The following MAGEC3 variants were observed in gnomAD, a reference collection of about 807,000 sequenced individuals.
MAGEC3 encodes the protein MAGE family member C3, also known as melanoma-associated antigen C3.
In MAGEC3, 34 loss-of-function variants were observed where a neutral mutation model predicts 35.3. The observed-to-expected ratio is 0.96, with a 90% CI of 0.73 to 1.28. The LOEUF (loss-of-function observed/expected upper bound fraction) is 1.28, where lower values mean the gene tolerates loss of function less well. MAGEC3 is among the 50% of genes most tolerant of loss of function. The probability of loss-of-function intolerance (pLI) is 0.00; values close to 1 mark genes in which losing one functional copy is unlikely to be tolerated. For missense variants in MAGEC3, 561 were observed against 483.6 expected (o/e 1.16, Z -1.50); for synonymous variants, 202 against 185.6 (o/e 1.09, Z -0.72).
Position 141,897,481 on chromosome X carries a change from A to C in MAGEC3, c.1723A>C (p.Ile575Leu). The C allele has an allele frequency of 8.3e-7, 1 of 1,205,917 alleles. No individual in the cohort carries two copies. The highest frequency in any genetic ancestry group is 1.7e-5 in the African/African-American group (1 of 57,618). The change falls in exon 7 of 8, where the codon ATA (isoleucine) becomes CTA (leucine). Residue 575 changes from isoleucine to leucine, a missense_variant. Transcript: ENST00000298296. ...EEVIWEVLSA[I>L]GPIQRPAREV... Reference sequence around the variant, plus strand: ...GGTCATCTGGGAAGTGTTGAGTGCAATAGGGGTGTGTGCTGGGAGGGAGCA... The same window carrying C: ...GGTCATCTGGGAAGTGTTGAGTGCACTAGGGGTGTGTGCTGGGAGGGAGCA...
intron 1 of MAGEC3, among the ~76,000 whole-genome samples, chrX:141,862,557 A>T (rs1440216434): frequency 2.7e-5 from 3 of 112,491 alleles, no homozygotes; most frequent in Non-Finnish European, 3.8e-5. Context: ...GGGAGAATGG[A>T]TAAGGAAAAT....
intron 2 of MAGEC3, among the ~76,000 whole-genome samples, chrX:141,877,148 T>C (rs73238537): frequency 0.11 from 12,540 of 111,878 alleles, 851 homozygotes; most frequent in African/African-American, 0.25. Flanking sequence ...ATTTAAAATA[T>C]TGAATCTTCA....
intron 2 of MAGEC3, among the ~76,000 whole-genome samples, chrX:141,868,318 T>C (rs2017864187): frequency 9.0e-6 from 1 of 111,609 alleles, no homozygotes; most frequent in Non-Finnish European, 1.9e-5. Flanking sequence ...AGGCTTTGAT[T>C]TGAGTGTGAT....
At chrX:141,891,339 T>A (rs746931192) in intron 4 of MAGEC3, among the ~76,000 whole-genome samples, 9 of 111,678 alleles carry the variant, frequency 8.1e-5, no homozygotes, top group African/African-American at 2.9e-4. Context: ...AAAATCAGAA[T>A]TTCTATGCAC....
intron 1 of MAGEC3, among the ~76,000 whole-genome samples, chrX:141,844,293 A>G (rs1265015845): frequency 9.9e-5 from 11 of 111,085 alleles, no homozygotes. Flanking sequence ...CTCACATTTG[A>G]AAAATATTTA....
chrX:141,860,089 A>G (rs2017805944), intron 1 of MAGEC3, among the ~76,000 whole-genome samples: 1 of 111,614 alleles, frequency 9.0e-6, no homozygotes, highest in African/African-American at 3.3e-5. Context: ...TTAGCCTTCC[A>G]TCTCTACCTG....
At chrX:141,878,605 C>A (rs766625660) in intron 2 of MAGEC3, among the ~76,000 whole-genome samples, 13 of 111,949 alleles carry the variant, frequency 1.2e-4, no homozygotes, top group Non-Finnish European at 2.1e-4. Flanking sequence ...AGGTGAGTCT[C>A]ACTTCAGATC....
intron 2 of MAGEC3, among the ~76,000 whole-genome samples, chrX:141,877,382 A>G (rs1007742024): frequency 8.9e-6 from 1 of 111,823 alleles, no homozygotes; most frequent in Non-Finnish European, 1.9e-5. Flanking sequence ...TTAAAATTAT[A>G]TAGTCTTTAC....
At position 141,881,781 on chromosome X, in the gene MAGEC3, G is replaced by A; in HGVS notation, c.894G>A (p.Val298=). The change falls in exon 4 of 8, where the codon GTG becomes GTA. Residue 298 remains valine, a synonymous_variant. Transcript: ENST00000298296. ...NCASEEVIWE[V]LNAIGPWSAL... is the part of the protein sequence containing the mutation. ...CATCTGAGGAGGTCATCTGGGAAGTGCTGAATGCAATAGGGGTGTGTGCTC... is the reference window on the plus strand; with the variant it reads ...CATCTGAGGAGGTCATCTGGGAAGTACTGAATGCAATAGGGGTGTGTGCTC... 1 of 1,211,572 alleles carries A rather than the reference G, an allele frequency of 8.3e-7. No individual in the cohort carries two copies. Among genetic ancestry groups the A allele is most frequent in the Non-Finnish European group, 1.1e-6 (1 of 895,438 alleles).
rs533446009 is a variant in MAGEC3 at position 141,844,878 on chromosome X, T to C, written c.123+6440T>C. Among the ~76,000 whole-genome samples the C allele has an allele frequency of 9.2e-4, 102 of 110,667 alleles. No individual in the cohort carries two copies. The South Asian group carries it at 0.035, about 38-fold the overall frequency. The stretch of plus-strand genomic sequence containing the variant: ...AAATACCCTCTAGTGTAATTGAACA[T>C]TTTTTTTCTCATTAGCTCACAAGAC... On this transcript the variant is annotated intron_variant, in intron 1 of 7. Transcript: ENST00000298296.
At chrX:141,896,795 A>G in intron 6 of MAGEC3, 87 bp from the exon 7 acceptor site, 2 of 1,205,782 alleles carry the variant, frequency 1.7e-6, no homozygotes, top group Non-Finnish European at 2.2e-6. Context: ...TCCTCTTTCC[A>G]CTTTTTATTC....
At chrX:141,881,821 G>T (rs750599352) in intron 4 of MAGEC3, 25 bp downstream of exon 4, 1 of 1,210,433 alleles carries the variant, frequency 8.3e-7, no homozygotes, top group East Asian at 3.0e-5. Context: ...GGAGCATTTC[G>T]TCTATCGGGA....
At chrX:141,877,852 T>C (rs1172727631) in intron 2 of MAGEC3, among the ~76,000 whole-genome samples, 1 of 112,403 alleles carries the variant, frequency 8.9e-6, no homozygotes, top group African/African-American at 3.2e-5. Context: ...TCTCATATGT[T>C]CCACACTCAA....
In MAGEC3 at chrX:141,895,598, G is replaced by T. The variant is rs756090601; in HGVS notation, c.1123+39G>T. On this transcript the variant is annotated intron_variant, in intron 6 of 7. Coordinates refer to ENST00000298296, the MANE Select transcript of MAGEC3 (RefSeq NM_138702.1). ...AGGGAATAAATAGGAAGACATTGAG[G>T]AGGACTGGGGGAACCCCCACCTCAG... The T allele has an allele frequency of 1.9e-4, 210 of 1,135,077 alleles. 5 individuals are homozygous for T. In the Admixed American group the frequency reaches 5.6e-3, roughly 30 times the overall value. The allele number at this position is 1,135,077 out of a possible 1,213,427, so 93.5% of individuals were successfully genotyped here. A position where few individuals can be genotyped will look rare whatever the true frequency, so the allele number is the denominator to read the frequency against.
At chrX:141,839,723 T>C (rs2017675061) in intron 1 of MAGEC3, 1 of 746,239 alleles carries the variant, frequency 1.3e-6, no homozygotes, top group South Asian at 6.8e-5. Flanking sequence ...TTTATATCCA[T>C]TTTCCCTGGA....
Position 141,895,549 on chromosome X carries a change from G to C in MAGEC3, c.1113G>C (p.Lys371Asn), listed in dbSNP as rs1318041541. 45 of 1,201,562 alleles carry C rather than the reference G, an allele frequency of 3.7e-5. No individual in the cohort carries two copies. Among genetic ancestry groups the C allele is most frequent in the Non-Finnish European group, 4.9e-5 (44 of 890,479 alleles). The change falls in exon 6 of 8, where the codon AAG becomes AAC. Residue 371 changes from lysine (K) to asparagine (N), a missense_variant. Physicochemically the swap from Lys to Asn is moderately conservative, Grantham distance 94. Transcript: ENST00000298296. ...RGLTEASPQQ[K>N]KGGEDEDMPA... ...TGACCGAGGCGTCCCCACAACAGAA[G>C]AAGGGAGGAGGTGCCAGCCCTCTAG...
In MAGEC3 at chrX:141,881,448, G is replaced by T. The variant is rs955033126; in HGVS notation, c.561G>T (p.Lys187Asn). The T allele has an allele frequency of 8.3e-7, 1 of 1,208,128 alleles. No homozygotes were observed. Among genetic ancestry groups the T allele is most frequent in the Non-Finnish European group, 1.1e-6 (1 of 894,467 alleles). The change falls in exon 4 of 8, where the codon AAG becomes AAT. Residue 187 changes from lysine to asparagine, a missense_variant. By Grantham distance (94) the Lys-to-Asn change is moderately conservative (BLOSUM62 0). Coordinates refer to ENST00000298296, the MANE Select transcript of MAGEC3 (RefSeq NM_138702.1). Reference protein sequence around the residue: ...EPLFTYTLDEKVDKLVQFLLL... With the variant: ...EPLFTYTLDENVDKLVQFLLL... ...TGTTCACTTATACACTGGATGAAAA[G>T]GTGGACAAGTTGGTGCAGTTTCTTC...
intron 1 of MAGEC3, among the ~76,000 whole-genome samples, chrX:141,851,487 T>C (rs902032596): frequency 3.6e-5 from 4 of 110,876 alleles, no homozygotes; most frequent in Non-Finnish European, 7.6e-5. Context: ...GCTGATGTTC[T>C]TATTAAGATT....
rs747666360 is a variant in MAGEC3 at position 141,895,631 on chromosome X, C to A, written c.1123+72C>A. The A allele has an allele frequency of 3.9e-6, 4 of 1,017,129 alleles. No individual in the cohort carries two copies. The East Asian group carries it at 1.0e-4, about 26-fold the overall frequency. 83.8% of individuals were successfully genotyped at this position (1,017,129 alleles called of 1,213,427 possible). ...GGGGAACCCCCACCTCAGAGGACAG[C>A]TTCCCAGAGATTCCCACCCTGCTCC... is the stretch of plus-strand genomic sequence containing the variant. On this transcript the variant is annotated intron_variant, in intron 6 of 7. Coordinates refer to ENST00000298296, the MANE Select transcript of MAGEC3 (RefSeq NM_138702.1).
Sources: allele counts gnomAD v4.1 joint callset (sites outside exome capture counted in the v4.1 genomes callset), GRCh38; gene constraint gnomAD v4.1.1; transcripts MANE v1.5; gene names NCBI Gene and HGNC (gene_info 2026-07-23, HGNC 2026-07-21).